Variants in PRTG observed in about 807,000 individuals in gnomAD.
PRTG encodes the protein protogenin.
PRTG carries 67 observed loss-of-function variants against 122.5 expected under a neutral mutation model. That is an observed-to-expected ratio of 0.55 (90% confidence interval 0.45 to 0.67). The LOEUF is 0.67. PRTG is among the 30% of genes least tolerant of loss of function. The pLI, the probability that PRTG is intolerant of heterozygous loss-of-function variation, is 0.00. For synonymous variants in PRTG, 554 were observed against 501.1 expected, an observed-to-expected ratio of 1.11 and a Z score of -1.41; for missense variants, 1,435 against 1,415.4, an observed-to-expected ratio of 1.01 and a Z score of -0.22.
chr15:55,642,271 A>G (rs1415141192), intron 11 of PRTG, among the ~76,000 whole-genome samples: 3 of 152,128 alleles, frequency 2.0e-5, no homozygotes, highest in African/African-American at 7.2e-5. Flanking sequence ...AATACATTTA[A>G]GTTAACTGTT....
intron 15 of PRTG, among the ~76,000 whole-genome samples, chr15:55,633,776 G>A (rs1317773512): frequency 6.6e-6 from 1 of 152,092 alleles, no homozygotes. Flanking sequence ...GCTTTTTACT[G>A]ATTTATTTGT....
At chr15:55,651,498 C>A (rs1001876253) in intron 11 of PRTG, among the ~76,000 whole-genome samples, 1 of 152,118 alleles carries the variant, frequency 6.6e-6, no homozygotes, top group Non-Finnish European at 1.5e-5. Context: ...ACCTTCCCCC[C>A]AATACCATGA....
At chr15:55,740,784 C>A in intron 1 of PRTG, 100 bp from the exon 2 acceptor site, 1 of 986,606 alleles carries the variant, frequency 1.0e-6, no homozygotes, top group South Asian at 1.9e-5. Context: ...TATGAGATGA[C>A]GAAGTTTAAT....
intron 2 of PRTG, among the ~76,000 whole-genome samples, chr15:55,731,599 G>C (rs1432555207): frequency 1.3e-5 from 2 of 151,942 alleles, no homozygotes; most frequent in African/African-American, 2.4e-5. Flanking sequence ...TTGAACTCCT[G>C]ACCTCATGAT....
At position 55,729,655 on chromosome 15, in the gene PRTG, T is replaced by C. The variant is rs188068472; in HGVS notation, c.397+10727A>G. Among the ~76,000 whole-genome samples, 597 of 152,120 alleles carry C rather than the reference T, an allele frequency of 3.9e-3. 3 individuals carry two copies. Among genetic ancestry groups the C allele is most frequent in the African/African-American group, 0.014 (576 of 41,536 alleles). On this transcript the variant is annotated intron_variant, in intron 2 of 19. Transcript: ENST00000389286. ...TATATCTAAAAGGGTGAACTTTATA[T>C]CTTAATAAAACTTATTTTTTTAATT...
In PRTG at chr15:55,649,907, T is replaced by C. The variant is rs143644003; in HGVS notation, c.2042-8699A>G. ...TCTCATGTACAAGTGCAGGGTGGTG[T>C]AGTAATTGAACAACAGACTCCATAA... On this transcript the variant is annotated intron_variant, in intron 11 of 19. Coordinates refer to ENST00000389286, the MANE Select transcript of PRTG (RefSeq NM_173814.6). 4.6e-5 allele frequency among the ~76,000 whole-genome samples: 7 copies of C among 152,310 alleles called. No homozygotes were observed. The East Asian group carries it at 1.4e-3, about 29-fold the overall frequency.
chr15:55,742,859 G>T lies in PRTG; in HGVS notation c.73C>A (p.Leu25Met), dbSNP rs1392883392. 2.6e-6 allele frequency: 4 copies of T among 1,537,614 alleles called. No homozygotes were observed. Among genetic ancestry groups the T allele is most frequent in the Non-Finnish European group, 3.5e-6 (4 of 1,140,902 alleles). The change falls in exon 1 of 20, where the codon CTG becomes ATG. Residue 25 changes from leucine to methionine, a missense_variant. Physicochemically the swap from Leu to Met is conservative, Grantham distance 15. Transcript: ENST00000389286. ...CCACCTGGCAAAGGACTGAGCAGCA[G>T]CAGGAGCAGGAGCGCGCGGAGCAGC... ...GMLLRALLLL[L>M]LLSPLPGVWC...
intron 2 of PRTG, among the ~76,000 whole-genome samples, chr15:55,712,325 CT>C (rs2030419838): frequency 6.6e-6 from 1 of 152,100 alleles, no homozygotes; most frequent in African/African-American, 2.4e-5. Context: ...ACAAAGACCC[CT>C]GTCTCAAATA....
intron 2 of PRTG, among the ~76,000 whole-genome samples, chr15:55,697,769 C>T (rs1304752829): frequency 1.3e-5 from 2 of 152,166 alleles, no homozygotes; most frequent in African/African-American, 4.8e-5. Flanking sequence ...GGATTACAGG[C>T]GTGAGCCACC....
intron 13 of PRTG, 80 bp downstream of exon 13, chr15:55,639,562 C>A (rs2059277691): frequency 7.6e-7 from 1 of 1,307,192 alleles, no homozygotes; most frequent in Non-Finnish European, 1.1e-6. Context: ...GAGCTGGGCC[C>A]AAGATGGTAA....
At position 55,684,782 on chromosome 15, in the gene PRTG, G is replaced by A. The variant is rs1000304954; in HGVS notation, c.398-851C>T. Among the ~76,000 whole-genome samples, 7 of 152,132 alleles carry A rather than the reference G, an allele frequency of 4.6e-5. No homozygotes were observed. In the South Asian group the frequency reaches 6.2e-4, roughly 13 times the overall value. On this transcript the variant is annotated intron_variant, in intron 2 of 19. Coordinates refer to ENST00000389286, the MANE Select transcript of PRTG (RefSeq NM_173814.6). Reference sequence around the variant, plus strand: ...TGCCACAGACATATCACTCTATCTGGAATCAGATGAAGCTGGTAATGAAGG... The same window carrying A: ...TGCCACAGACATATCACTCTATCTGAAATCAGATGAAGCTGGTAATGAAGG...
At position 55,739,880 on chromosome 15, in the gene PRTG, G is replaced by A. The variant is rs111424718; in HGVS notation, c.397+502C>T. Among the ~76,000 whole-genome samples the A allele has an allele frequency of 2.5e-3, 382 of 152,332 alleles. 1 individual carries two copies. Among genetic ancestry groups the A allele is most frequent in the Non-Finnish European group, 4.4e-3 (301 of 68,022 alleles). On this transcript the variant is annotated intron_variant, in intron 2 of 19. Transcript: ENST00000389286. ...CTAGGAATACTTCAAAGGCTTAAGA[G>A]TGACTGACCAATGCCCTCTCATACA...
chr15:55,673,662 G>T lies in PRTG; in HGVS notation c.1561C>A (p.Pro521Thr). 6.2e-7 allele frequency: 1 copy of T among 1,613,664 alleles called. No homozygotes were observed. Among genetic ancestry groups the T allele is most frequent in the Non-Finnish European group, 8.5e-7 (1 of 1,179,570 alleles). The change falls in exon 10 of 20, where the codon CCT becomes ACT. Residue 521 changes from proline (P) to threonine (T), a missense_variant. By Grantham distance (38) the Pro-to-Thr change is conservative. Transcript: ENST00000389286. ...NTLEDVPLRP[P>T]EISLTSRSPT... ...CTTCGACTTGTCAAACTAATTTCAG[G>T]AGGTCTCAGGGGAACTAGTCATAGA...
chr15:55,685,607 A>G (rs775306188), intron 2 of PRTG, among the ~76,000 whole-genome samples: 5 of 152,198 alleles, frequency 3.3e-5, no homozygotes, highest in Non-Finnish European at 4.4e-5. Context: ...AGATATGCAC[A>G]AATGTAAAGC....
At chr15:55,710,096 T>C (rs1213350570) in intron 2 of PRTG, among the ~76,000 whole-genome samples, 2 of 152,144 alleles carry the variant, frequency 1.3e-5, no homozygotes, top group East Asian at 1.9e-4. Flanking sequence ...CCGAAGAATA[T>C]ACACAACCAT....
chr15:55,694,962 A>AGCT (rs1181530388), intron 2 of PRTG, among the ~76,000 whole-genome samples: 17 of 152,208 alleles, frequency 1.1e-4, no homozygotes, highest in Non-Finnish European at 2.2e-4. Flanking sequence ...TGTGCTGTTA[A>AGCT]GAGGCCAGAG....
At chr15:55,643,924 T>C (rs558903133) in intron 11 of PRTG, among the ~76,000 whole-genome samples, 1 of 152,118 alleles carries the variant, frequency 6.6e-6, no homozygotes, top group East Asian at 1.9e-4. Flanking sequence ...ACAACAGTGG[T>C]GCAATCATGG....
At chr15:55,679,031 G>A (rs574741367) in intron 7 of PRTG, among the ~76,000 whole-genome samples, 223 of 152,272 alleles carry the variant, frequency 1.5e-3, no homozygotes, top group African/African-American at 4.7e-3. Flanking sequence ...GAACCCTGGA[G>A]TTTGGGGAAC....
At chr15:55,731,696 G>T (rs753035146) in intron 2 of PRTG, among the ~76,000 whole-genome samples, 6 of 152,136 alleles carry the variant, frequency 3.9e-5, no homozygotes, top group Non-Finnish European at 7.4e-5. Flanking sequence ...ATAGCAATCG[G>T]TGGGAGTGGG....
Sources: gnomAD v4.1 joint callset for allele counts (sites outside exome capture counted in the v4.1 genomes callset) on GRCh38, gnomAD v4.1.1 for gene constraint, MANE v1.5 for transcripts, NCBI Gene and HGNC (gene_info 2026-07-23, HGNC 2026-07-21) for gene names.